Variants in GSR observed in about 807,000 individuals in gnomAD.
GSR encodes glutathione reductase, mitochondrial.
A neutral mutation model predicts 56.5 loss-of-function variants in GSR; 48 were observed. That is an observed-to-expected ratio of 0.85 (90% CI 0.67 to 1.08). The LOEUF (loss-of-function observed/expected upper bound fraction) is 1.08. GSR is among the 50% of genes least tolerant of loss of function. GSR has a pLI of 0.00. For missense variants in GSR, 694 were observed against 703.3 expected (o/e 0.99, Z 0.15); for synonymous variants, 264 against 270.8 (o/e 0.97, Z 0.25).
At chr8:30,695,097 C>T (rs1004777091) in intron 7 of GSR, among the ~76,000 whole-genome samples, 3 of 151,754 alleles carry the variant, frequency 2.0e-5, no homozygotes, top group Non-Finnish European at 4.4e-5. Flanking sequence ...GTATGATCTA[C>T]AAGATTCCCT....
chr8:30,719,254 G>GTA (rs756555799), intron 1 of GSR, among the ~76,000 whole-genome samples: 7 of 147,172 alleles, frequency 4.8e-5, no homozygotes, highest in Admixed American at 2.1e-4. Flanking sequence ...CAACAGGTGT[G>GTA]TACTACCACA....
At chr8:30,713,932 T>G (rs1490756931) in intron 1 of GSR, among the ~76,000 whole-genome samples, 1 of 152,124 alleles carries the variant, frequency 6.6e-6, no homozygotes, top group Non-Finnish European at 1.5e-5. Flanking sequence ...AGGGAAGTAG[T>G]AAATAGTTAT....
chr8:30,692,031 A>C (rs1006869776), intron 8 of GSR, among the ~76,000 whole-genome samples: 4 of 151,542 alleles, frequency 2.6e-5, no homozygotes, highest in South Asian at 4.2e-4. Context: ...TGAGCCCAGG[A>C]GGTTGAGGCT....
rs1372622370 is a variant in GSR, at chr8:30,700,062, T to C, written c.695+19A>G. The C allele has an allele frequency of 3.1e-6, 5 of 1,589,472 alleles. No individual in the cohort carries two copies. In the African/African-American group the frequency reaches 4.0e-5, roughly 13 times the overall value. On this transcript the variant is annotated intron_variant, in intron 6 of 12. Coordinates refer to ENST00000221130, the MANE Select transcript of GSR (RefSeq NM_000637.5). ...AGTAAGGAAGAATGAGTCACTGAGG[T>C]CAGGTCAGGTTGGCTTACCCGGGCA...
intron 1 of GSR, among the ~76,000 whole-genome samples, chr8:30,720,033 G>T (rs892182225): frequency 6.6e-6 from 1 of 151,954 alleles, no homozygotes; most frequent in Non-Finnish European, 1.5e-5. Context: ...AACATAGTAA[G>T]GCCTCGTCTC....
At chr8:30,680,312 GC>G (rs1328845668) in intron 12 of GSR, among the ~76,000 whole-genome samples, 1 of 147,236 alleles carries the variant, frequency 6.8e-6, no homozygotes, top group African/African-American at 2.5e-5. Flanking sequence ...CAGGCAATCC[GC>G]CTACCTTGGC....
intron 6 of GSR, among the ~76,000 whole-genome samples, chr8:30,699,029 T>C (rs778661585): frequency 2.6e-5 from 4 of 152,184 alleles, no homozygotes; most frequent in Non-Finnish European, 5.9e-5. Flanking sequence ...CCCATGCTTG[T>C]ATTCCTACTG....
At chr8:30,702,029 C>A (rs1274229871) in intron 5 of GSR, among the ~76,000 whole-genome samples, 1 of 151,828 alleles carries the variant, frequency 6.6e-6, no homozygotes, top group Non-Finnish European at 1.5e-5. Context: ...GAGCAAGACC[C>A]TGTCTCAAAA....
At chr8:30,726,247 T>C (rs911120675) in intron 1 of GSR, among the ~76,000 whole-genome samples, 6 of 152,210 alleles carry the variant, frequency 3.9e-5, no homozygotes, top group Admixed American at 2.0e-4. Flanking sequence ...CAAGTGCTTA[T>C]TGAGCAAGGG....
At chr8:30,708,169 G>C (rs762552272) in intron 3 of GSR, 28 bp from the exon 4 acceptor site, 3 of 1,534,564 alleles carry the variant, frequency 2.0e-6, no homozygotes, top group Non-Finnish European at 2.7e-6. Flanking sequence ...TCAGTATTCA[G>C]AAACAGGATC....
At chr8:30,682,358 A>G (rs188471199) in intron 10 of GSR, among the ~76,000 whole-genome samples, 2 of 152,328 alleles carry the variant, frequency 1.3e-5, no homozygotes, top group East Asian at 3.9e-4. Flanking sequence ...CACAAGCAGA[A>G]AATTCCACAC....
chr8:30,702,288 C>A (rs1230081546), intron 5 of GSR, among the ~76,000 whole-genome samples: 1 of 151,692 alleles, frequency 6.6e-6, no homozygotes, highest in African/African-American at 2.4e-5. Context: ...CCACTGCACT[C>A]CAGCCTGGGT....
intron 7 of GSR, among the ~76,000 whole-genome samples, chr8:30,694,950 C>T (rs1420475228): frequency 6.6e-6 from 1 of 150,926 alleles, no homozygotes; most frequent in Non-Finnish European, 1.5e-5. Context: ...ACACCTGTAG[C>T]CTCAGCTACT....
chr8:30,689,354 A>C (rs1803283122), intron 8 of GSR, 35 bp from the exon 9 acceptor site: 2 of 1,568,654 alleles, frequency 1.3e-6, no homozygotes, highest in Non-Finnish European at 1.8e-6. Context: ...ACATGTGTGG[A>C]GGCTCAGGGA....
intron 1 of GSR, among the ~76,000 whole-genome samples, chr8:30,726,410 C>A (rs1804725530): frequency 6.6e-6 from 1 of 152,130 alleles, no homozygotes; most frequent in Non-Finnish European, 1.5e-5. Flanking sequence ...TTTTAATCGT[C>A]AACACCCAAA....
chr8:30,682,834 AT>A (rs749804906), intron 10 of GSR, among the ~76,000 whole-genome samples: 187 of 144,704 alleles, frequency 1.3e-3, no homozygotes, highest in Middle Eastern at 3.6e-3. Flanking sequence ...TTATATTATT[AT>A]TTTTTTTTTT....
intron 1 of GSR, among the ~76,000 whole-genome samples, chr8:30,719,737 G>A (rs919575784): frequency 6.6e-6 from 1 of 152,146 alleles, no homozygotes; most frequent in Admixed American, 6.5e-5. Flanking sequence ...TCAGTGGGCC[G>A]CCTGTTATCT....
chr8:30,700,698 T>C (rs1586050265), intron 5 of GSR, among the ~76,000 whole-genome samples: 1 of 105,572 alleles, frequency 9.5e-6, no homozygotes, highest in Non-Finnish European at 1.8e-5. Context: ...CACTCCAGCC[T>C]GGGAACAGAG....
intron 2 of GSR, among the ~76,000 whole-genome samples, chr8:30,710,390 T>A (rs1586060711): frequency 6.7e-6 from 1 of 149,806 alleles, no homozygotes; most frequent in South Asian, 2.1e-4. Context: ...TTTAAAGAGA[T>A]AAGGGGAAAG....
Sources: gnomAD v4.1 joint callset for allele counts (sites outside exome capture counted in the v4.1 genomes callset) on GRCh38, gnomAD v4.1.1 for gene constraint, MANE v1.5 for transcripts, NCBI Gene and HGNC (gene_info 2026-07-23, HGNC 2026-07-21) for gene names.